Variants in ZNF407 observed in about 807,000 individuals in gnomAD.
ZNF407 encodes zinc finger protein 407.
In ZNF407, 17 loss-of-function variants were observed where a neutral mutation model predicts 131.2. That is an observed-to-expected ratio of 0.13 (90% confidence interval 0.09 to 0.19). The LOEUF (loss-of-function observed/expected upper bound fraction) is 0.19, where lower values mean the gene tolerates loss of function less well. ZNF407 is among the 10% of genes least tolerant of loss of function. The probability of loss-of-function intolerance (pLI) is 1.00; values close to 1 mark genes in which losing one functional copy is unlikely to be tolerated. For missense variants in ZNF407, 2,681 were observed against 2,830.6 expected (o/e 0.95, Z 1.20); for synonymous variants, 1,156 against 1,062.0 (o/e 1.09, Z -1.72).
At chr18:74,719,170 A>ATTTG (rs34233251) in intron 3 of ZNF407, among the ~76,000 whole-genome samples, 117,291 of 151,554 alleles carry the variant, frequency 0.77, 45,670 homozygotes, top group East Asian at 0.89. Context: ...GACATTTATC[A>ATTTG]TTTGTATTGG....
intron 4 of ZNF407, among the ~76,000 whole-genome samples, chr18:74,875,318 G>A (rs1971140995): frequency 6.6e-6 from 1 of 152,112 alleles, no homozygotes; most frequent in African/African-American, 2.4e-5. Flanking sequence ...TTCACGACAG[G>A]CACAAGCTTT....
intron 8 of ZNF407, among the ~76,000 whole-genome samples, chr18:74,993,692 G>T (rs539028729): frequency 6.6e-6 from 1 of 152,126 alleles, no homozygotes; most frequent in Admixed American, 6.6e-5. Context: ...AAAAAAATAC[G>T]CAGCGATTAA....
intron 4 of ZNF407, among the ~76,000 whole-genome samples, chr18:74,798,209 A>AACAC (rs35388545): frequency 0.61 from 90,120 of 147,754 alleles, 27,449 homozygotes; most frequent in East Asian, 0.84. Context: ...CCTTTACACA[A>AACAC]ACACACACAC....
rs992502485 is a variant in ZNF407, at chr18:74,975,368, A to G, written c.5428+54676A>G. Among the ~76,000 whole-genome samples the G allele has an allele frequency of 2.6e-5, 4 of 152,178 alleles. No individual in the cohort carries two copies. In the East Asian group the frequency reaches 7.7e-4, roughly 29 times the overall value. On this transcript the variant is annotated intron_variant, in intron 8 of 8. Coordinates refer to ENST00000299687, the MANE Select transcript of ZNF407 (RefSeq NM_017757.3). ...TGTTTGATCGGTGTAATCTAAGCAT[A>G]TGTTATCTTGGGAAAGATGCATCTT...
At position 74,631,006 on chromosome 18, in the gene ZNF407, T is replaced by A. The variant is rs1413496029; in HGVS notation, c.-14T>A. The A allele has an allele frequency of 2.5e-6, 4 of 1,593,260 alleles. No individual in the cohort carries two copies. Among genetic ancestry groups the A allele is most frequent in the East Asian group, 4.5e-5 (2 of 44,706 alleles). On this transcript the variant is annotated 5_prime_UTR_variant, in exon 2 of 9. Transcript: ENST00000299687. Reference sequence around the variant, plus strand: ...TGAGCCGCCTTAGATAGAAGCATCGTCAGCACTTTATTAATGATGGATAGT... The same window carrying A: ...TGAGCCGCCTTAGATAGAAGCATCGACAGCACTTTATTAATGATGGATAGT...
intron 8 of ZNF407, among the ~76,000 whole-genome samples, chr18:75,032,245 T>C (rs1224862103): frequency 6.6e-6 from 1 of 152,190 alleles, no homozygotes; most frequent in Non-Finnish European, 1.5e-5. Flanking sequence ...CTGGGGGCTG[T>C]TCCGATGTGT....
chr18:74,971,063 C>A (rs1019315786), intron 8 of ZNF407, among the ~76,000 whole-genome samples: 1 of 152,238 alleles, frequency 6.6e-6, no homozygotes, highest in Non-Finnish European at 1.5e-5. Context: ...ACAGCCTGAG[C>A]TGTACATTGG....
intron 4 of ZNF407, among the ~76,000 whole-genome samples, chr18:74,807,653 A>G (rs1361851302): frequency 1.3e-5 from 2 of 152,218 alleles, no homozygotes; most frequent in African/African-American, 2.4e-5. Context: ...TATCCAATAG[A>G]ATGTTAACAC....
chr18:74,875,297 G>A (rs1356202390), intron 4 of ZNF407, among the ~76,000 whole-genome samples: 2 of 152,028 alleles, frequency 1.3e-5, no homozygotes, highest in Non-Finnish European at 2.9e-5. Context: ...TTGTTATCTG[G>A]CTTTTGTCAT....
chr18:74,825,866 A>G (rs1599179258), intron 4 of ZNF407, among the ~76,000 whole-genome samples: 2 of 152,344 alleles, frequency 1.3e-5, no homozygotes, highest in East Asian at 3.9e-4. Context: ...TGTTTAGGGT[A>G]TGTGGCGTAT....
At chr18:75,002,899 A>C (rs914215906) in intron 8 of ZNF407, among the ~76,000 whole-genome samples, 1 of 152,162 alleles carries the variant, frequency 6.6e-6, no homozygotes, top group African/African-American at 2.4e-5. Flanking sequence ...GTGTTTTACA[A>C]ATAAAAGGTG....
chr18:74,880,961 C>A, intron 5 of ZNF407, 75 bp from the exon 6 acceptor site: 2 of 1,257,132 alleles, frequency 1.6e-6, no homozygotes, highest in East Asian at 2.5e-5. Context: ...GAATTAGTAA[C>A]CCTGAAAGCC....
intron 8 of ZNF407, among the ~76,000 whole-genome samples, chr18:74,930,030 C>T (rs971428110): frequency 6.6e-6 from 1 of 152,130 alleles, no homozygotes; most frequent in South Asian, 2.1e-4. Flanking sequence ...TAATACGTTG[C>T]CATTTTCTAT....
At chr18:74,899,022 C>T (rs1459466377) in intron 7 of ZNF407, among the ~76,000 whole-genome samples, 2 of 152,126 alleles carry the variant, frequency 1.3e-5, no homozygotes, top group Non-Finnish European at 2.9e-5. Context: ...TTCTCTTTTT[C>T]ACTCGGACAA....
intron 1 of ZNF407, among the ~76,000 whole-genome samples, chr18:74,608,615 G>A (rs1982915178): frequency 6.6e-6 from 1 of 152,134 alleles, no homozygotes; most frequent in African/African-American, 2.4e-5. Flanking sequence ...TCAAAGTGCT[G>A]GGATTACAGG....
At chr18:74,889,602 A>C (rs879057178) in intron 6 of ZNF407, among the ~76,000 whole-genome samples, 1 of 152,164 alleles carries the variant, frequency 6.6e-6, no homozygotes, top group Non-Finnish European at 1.5e-5. Context: ...CTCTGATGTA[A>C]CATGGTTTAT....
chr18:74,822,946 G>A (rs1225462437), intron 4 of ZNF407, among the ~76,000 whole-genome samples: 3 of 152,080 alleles, frequency 2.0e-5, no homozygotes, highest in Non-Finnish European at 4.4e-5. Context: ...ATTTCCTTGA[G>A]CATTGGTTTG....
intron 8 of ZNF407, among the ~76,000 whole-genome samples, chr18:74,927,253 A>G (rs938993067): frequency 6.6e-6 from 1 of 152,206 alleles, no homozygotes; most frequent in African/African-American, 2.4e-5. Context: ...GTGGCTCTAT[A>G]AAATTCTCAC....
chr18:74,641,837 G>C (rs891553893), intron 3 of ZNF407, among the ~76,000 whole-genome samples: 6 of 152,146 alleles, frequency 3.9e-5, no homozygotes, highest in African/African-American at 1.4e-4. Context: ...AGGACATTCA[G>C]AGGTGGGTTT....
Sources: gnomAD v4.1 joint callset for allele counts (sites outside exome capture counted in the v4.1 genomes callset) on GRCh38, gnomAD v4.1.1 for gene constraint, MANE v1.5 for transcripts, NCBI Gene and HGNC (gene_info 2026-07-23, HGNC 2026-07-21) for gene names.